PDE8B: variants seen among roughly 807,000 people sequenced by gnomAD.
The protein encoded by PDE8B is high affinity cAMP-specific and IBMX-insensitive 3',5'-cyclic phosphodiesterase 8B.
In PDE8B, 26 loss-of-function variants were observed where a neutral mutation model predicts 101.3. That is an observed-to-expected ratio of 0.26 (90% CI 0.19 to 0.36). The LOEUF is 0.36. Among genes scored for constraint, PDE8B ranks in the 10% least tolerant of loss-of-function variants. PDE8B has a pLI of 1.00. For missense variants in PDE8B, 810 were observed against 1,163.1 expected, an observed-to-expected ratio of 0.70 and a Z score of 4.42; for synonymous variants, 424 against 429.3, an observed-to-expected ratio of 0.99 and a Z score of 0.15.
At chr5:77,376,912 T>C (rs898429828) in intron 10 of PDE8B, among the ~76,000 whole-genome samples, 1 of 152,142 alleles carries the variant, frequency 6.6e-6, no homozygotes, top group Admixed American at 6.5e-5. Context: ...ATGTTGGATC[T>C]CTCTCATTCT....
chr5:77,160,054 A>G, the PDE8B span, among the ~76,000 whole-genome samples: 1 of 152,208 alleles, frequency 6.6e-6, no homozygotes, highest in Admixed American at 6.5e-5. Flanking sequence ...GGTGATTTGA[A>G]GAGGGAATGC....
chr5:77,345,175 T>A (rs1206446790), intron 7 of PDE8B, among the ~76,000 whole-genome samples: 5 of 152,284 alleles, frequency 3.3e-5, no homozygotes, highest in Admixed American at 6.5e-5. Flanking sequence ...TTTAAAAAAA[T>A]TTTATTTTTT....
At chr5:77,251,469 A>G (rs545062315) in intron 1 of PDE8B, among the ~76,000 whole-genome samples, 14 of 152,324 alleles carry the variant, frequency 9.2e-5, no homozygotes, top group Admixed American at 1.3e-4. Flanking sequence ...TAAAGCAGAG[A>G]AGGTCTCTTT....
At chr5:77,354,962 G>C (rs79343230) in intron 10 of PDE8B, among the ~76,000 whole-genome samples, 1 of 152,194 alleles carries the variant, frequency 6.6e-6, no homozygotes, top group East Asian at 1.9e-4. Context: ...AGCTATTTGC[G>C]TGCTAAACTG....
chr5:77,421,717 C>A, intron 19 of PDE8B, 104 bp from the exon 20 acceptor site: 1 of 1,062,248 alleles, frequency 9.4e-7, no homozygotes, highest in Non-Finnish European at 1.4e-6. Flanking sequence ...GAGTCCCAGT[C>A]CTACCTGTGT....
chr5:77,337,828 T>C (rs989331612), intron 6 of PDE8B, among the ~76,000 whole-genome samples: 2 of 152,202 alleles, frequency 1.3e-5, no homozygotes, highest in Non-Finnish European at 2.9e-5. Context: ...ATATAGTGTT[T>C]TAAGAGCAGG....
At chr5:77,189,426 G>C in the PDE8B span, among the ~76,000 whole-genome samples, 1 of 152,146 alleles carries the variant, frequency 6.6e-6, no homozygotes, top group African/African-American at 2.4e-5. Context: ...GATAAAGCAG[G>C]AAAGAGCAAT....
chr5:77,097,730 T>TATATATATAC, the PDE8B span, among the ~76,000 whole-genome samples: 5 of 64,796 alleles, frequency 7.7e-5, no homozygotes, highest in South Asian at 5.5e-4. Flanking sequence ...TATATATATA[T>TATATATATAC]ATACATACAT....
the PDE8B span, among the ~76,000 whole-genome samples, chr5:77,173,787 G>T: frequency 6.6e-6 from 1 of 152,070 alleles, no homozygotes; most frequent in African/African-American, 2.4e-5. Flanking sequence ...TCTAGAAAGT[G>T]TAGCGGAGTT....
At chr5:77,420,731 C>T (rs1481475630) in intron 19 of PDE8B, among the ~76,000 whole-genome samples, 1 of 152,128 alleles carries the variant, frequency 6.6e-6, no homozygotes, top group Non-Finnish European at 1.5e-5. Flanking sequence ...AGAAGACTTA[C>T]AGGAGCAAGG....
At chr5:77,245,086 A>C (rs547215063) in intron 1 of PDE8B, among the ~76,000 whole-genome samples, 1 of 152,332 alleles carries the variant, frequency 6.6e-6, no homozygotes, top group South Asian at 2.1e-4. Context: ...TTGTTTTTTT[A>C]AAAACAGCCA....
intron 2 of PDE8B, among the ~76,000 whole-genome samples, chr5:77,317,278 A>G (rs1773966249): frequency 6.6e-6 from 1 of 152,164 alleles, no homozygotes; most frequent in Non-Finnish European, 1.5e-5. Context: ...TTTCTCCTTG[A>G]AGAAAACTAT....
At chr5:77,265,081 T>G (rs1761411899) in intron 1 of PDE8B, among the ~76,000 whole-genome samples, 2 of 152,170 alleles carry the variant, frequency 1.3e-5, no homozygotes, top group Admixed American at 6.5e-5. Context: ...GGTGTCCTTG[T>G]AAGATGTTTT....
At chr5:77,246,041 G>A (rs898328528) in intron 1 of PDE8B, among the ~76,000 whole-genome samples, 1 of 151,822 alleles carries the variant, frequency 6.6e-6, no homozygotes, top group Non-Finnish European at 1.5e-5. Flanking sequence ...TTGTAGAGAT[G>A]GGTTCTTATT....
chr5:77,425,732 GTCCT>G, intron 20 of PDE8B, 31 bp from the exon 21 acceptor site: 1 of 1,609,936 alleles, frequency 6.2e-7, no homozygotes, highest in African/African-American at 1.3e-5. Context: ...TGTCTCGCAT[GTCCT>G]CCAGCCCTAT....
At chr5:77,141,910 C>T in the PDE8B span, 1 of 151,836 alleles carries the variant, frequency 6.6e-6, no homozygotes, top group African/African-American at 2.4e-5. Flanking sequence ...GTTATAATGG[C>T]CATTAGAAGG....
intron 8 of PDE8B, among the ~76,000 whole-genome samples, chr5:77,350,441 G>A (rs1780876114): frequency 6.6e-6 from 1 of 152,072 alleles, no homozygotes; most frequent in Non-Finnish European, 1.5e-5. Context: ...GACAAGAAAT[G>A]GCTGCAGGGA....
At chr5:77,398,518 C>A (rs1267386839) in intron 10 of PDE8B, among the ~76,000 whole-genome samples, 4 of 152,064 alleles carry the variant, frequency 2.6e-5, no homozygotes, top group Admixed American at 2.0e-4. Context: ...GAGGGGGTTT[C>A]ACCATGTTGG....
At chr5:77,170,755 G>A in the PDE8B span, among the ~76,000 whole-genome samples, 2 of 152,088 alleles carry the variant, frequency 1.3e-5, no homozygotes, top group South Asian at 2.1e-4. Context: ...TTGCTTTTAC[G>A]AATTTGCTAT....
Sources: allele counts gnomAD v4.1 joint callset (sites outside exome capture counted in the v4.1 genomes callset), GRCh38; gene constraint gnomAD v4.1.1; transcripts MANE v1.5; gene names NCBI Gene and HGNC (gene_info 2026-07-23, HGNC 2026-07-21).